The following ARHGAP23 variants were observed in gnomAD, a reference collection of about 807,000 sequenced individuals.
ARHGAP23 encodes the protein Rho GTPase activating protein 23.
A neutral mutation model predicts 136.3 loss-of-function variants in ARHGAP23; 34 were observed. The observed-to-expected ratio is 0.25, with a 90% CI of 0.19 to 0.33. ARHGAP23 has a LOEUF of 0.33. Among genes scored for constraint, ARHGAP23 ranks in the 10% least tolerant of loss-of-function variants. The probability of loss-of-function intolerance (pLI) is 1.00; values close to 1 mark genes in which losing one functional copy is unlikely to be tolerated. For missense variants in ARHGAP23, 1,808 were observed against 2,139.0 expected (o/e 0.85, Z 3.05); for synonymous variants, 832 against 920.5 (o/e 0.90, Z 1.74).
At chr17:38,465,227 T>A (rs1249580536) in intron 6 of ARHGAP23, among the ~76,000 whole-genome samples, 1 of 150,646 alleles carries the variant, frequency 6.6e-6, no homozygotes, top group East Asian at 1.9e-4. Context: ...GGGCTGAGTG[T>A]GCGGGGGTGT....
At position 38,477,365 on chromosome 17, in the gene ARHGAP23, G is replaced by C. The variant is rs533572713; in HGVS notation, c.2119-214G>C. Among the ~76,000 whole-genome samples, 2 of 152,156 alleles carry C rather than the reference G, an allele frequency of 1.3e-5. No homozygotes were observed. Among genetic ancestry groups the C allele is most frequent in the African/African-American group, 4.8e-5 (2 of 41,510 alleles). On this transcript the variant is annotated intron_variant, in intron 11 of 23. Transcript: ENST00000622683. The surrounding 1 kb of genome is among the most constrained non-coding windows in gnomAD (Gnocchi z 6.6). ...GGGGTCTGCTGGGGGGCTTTAGGAT[G>C]ATGGGTAGGGGTGTCTAGGCAGGCA...
In ARHGAP23 at chr17:38,510,699, C is replaced by A; in HGVS notation, c.4203C>A (p.Ser1401Arg). The A allele has an allele frequency of 7.0e-7, 1 of 1,429,872 alleles. No homozygotes were observed. 88.6% of individuals were successfully genotyped at this position (1,429,872 alleles called of 1,614,324 possible). ...PLSPETRRRR[S>R]SWRRHTVVVQ... ...CGCCCGAGACCCGGCGGCGCCGGAG[C>A]AGCTGGCGCCGCCACACCGTGGTGG... Residue 1401 changes from serine (S) to arginine (R), a missense_variant, in exon 24 of 24, where the codon AGC (serine) becomes AGA (arginine). Physicochemically the swap from Ser to Arg is moderately radical, Grantham distance 110 (BLOSUM62 -1). Transcript: ENST00000622683. This position sits in a 1 kb window ranked among gnomAD's most constrained non-coding sequence, Gnocchi z 4.6.
chr17:38,459,870 G>A (rs1415233292), intron 2 of ARHGAP23, among the ~76,000 whole-genome samples: 1 of 152,172 alleles, frequency 6.6e-6, no homozygotes, highest in Non-Finnish European at 1.5e-5. Flanking sequence ...ACAGGAGGAC[G>A]GGGGCAGAGT....
intron 11 of ARHGAP23, among the ~76,000 whole-genome samples, chr17:38,474,180 C>T (rs1269283892): frequency 6.6e-6 from 1 of 152,220 alleles, no homozygotes; most frequent in Non-Finnish European, 1.5e-5. Flanking sequence ...CTTGGCCTCC[C>T]AAAGTGCTTG....
chr17:38,452,593 C>G (rs55723538), intron 1 of ARHGAP23: 1 of 152,224 alleles, frequency 6.6e-6, no homozygotes, highest in Non-Finnish European at 1.5e-5. Flanking sequence ...CCATAACAAG[C>G]TGGGTCCTCT....
At chr17:38,432,352 C>T (rs1484228789) in intron 1 of ARHGAP23, among the ~76,000 whole-genome samples, 2 of 152,088 alleles carry the variant, frequency 1.3e-5, no homozygotes, top group Admixed American at 6.5e-5. Context: ...GCCTGGGTGA[C>T]ACAAGGAGAC....
At chr17:38,428,447 C>T (rs1015426766), upstream of ARHGAP23, 16 of 1,362,730 alleles carry the variant, frequency 1.2e-5, no homozygotes, top group Non-Finnish European at 1.5e-5. Context: ...GCCGGCGCCC[C>T]CAGCCGTGCC....
In ARHGAP23 at chr17:38,477,983, T is replaced by G. The variant is rs1285695442; in HGVS notation, c.2436+87T>G. ...GGACCTGGGATGCCCGCTCTGAGCC[T>G]CACTTCCCTCTGCTAGAAAGGGGGG... is the stretch of plus-strand genomic sequence containing the variant. On this transcript the variant is annotated intron_variant, in intron 12 of 23. Coordinates refer to ENST00000622683, the MANE Select transcript of ARHGAP23 (RefSeq NM_001199417.2). This position sits in a 1 kb window ranked among gnomAD's most constrained non-coding sequence, Gnocchi z 6.6. 7 of 1,350,160 alleles carry G rather than the reference T, an allele frequency of 5.2e-6. No individual in the cohort carries two copies. The Admixed American group carries it at 1.4e-4, about 28-fold the overall frequency. The allele number at this position is 1,350,160 out of a possible 1,614,324, so 83.6% of individuals were successfully genotyped here. A position where few individuals can be genotyped will look rare whatever the true frequency, so the allele number is the denominator to read the frequency against.
At chr17:38,469,960 T>C in intron 10 of ARHGAP23, 56 bp downstream of exon 10, 1 of 1,540,222 alleles carries the variant, frequency 6.5e-7, no homozygotes, top group Non-Finnish European at 8.8e-7. Flanking sequence ...GGAGAGAGGG[T>C]GTCAGGGAGG....
At chr17:38,460,870 A>G (rs1157037848) in intron 2 of ARHGAP23, 35 bp from the exon 3 acceptor site, 7 of 1,535,882 alleles carry the variant, frequency 4.6e-6, no homozygotes, top group Non-Finnish European at 6.1e-6. Flanking sequence ...TGAGGGCTGG[A>G]CTGACGCCCA....
Position 38,486,047 on chromosome 17 carries a change from T to G in ARHGAP23, c.2908-15T>G. 6.4e-7 allele frequency: 1 copy of G among 1,550,494 alleles called. No homozygotes were observed. Among genetic ancestry groups the G allele is most frequent in the Non-Finnish European group, 8.7e-7 (1 of 1,146,650 alleles). On this transcript the variant is annotated splice_polypyrimidine_tract_variant and intron_variant, in intron 16 of 23. Transcript: ENST00000622683. ...GCTGGGCCTGCCTGTGCCTGACATCTGACCCCTCCCCCAGCGCTGGCAAGA... is the reference window on the plus strand; with the variant it reads ...GCTGGGCCTGCCTGTGCCTGACATCGGACCCCTCCCCCAGCGCTGGCAAGA...
At chr17:38,472,799 C>G (rs1024860858) in intron 11 of ARHGAP23, among the ~76,000 whole-genome samples, 1 of 152,238 alleles carries the variant, frequency 6.6e-6, no homozygotes, top group African/African-American at 2.4e-5. Context: ...CTGGCCATGA[C>G]TCAGTGTCCT....
At position 38,490,159 on chromosome 17, in the gene ARHGAP23, G is replaced by A; in HGVS notation, c.3044G>A (p.Arg1015Lys). 2 of 1,551,696 alleles carry A rather than the reference G, an allele frequency of 1.3e-6. No homozygotes were observed. Among genetic ancestry groups the A allele is most frequent in the Non-Finnish European group, 1.7e-6 (2 of 1,146,850 alleles). Residue 1015 changes from arginine (R) to lysine (K), a missense_variant, in exon 18 of 24, where the codon AGG (arginine) becomes AAG (lysine). Transcript: ENST00000622683. The stretch of plus-strand genomic sequence containing the variant: ...ATTGAGGACGCGCGGGAGCGAATGA[G>A]GACGCTGCGGAAGCTGGTAAGGAGA... ...NRIEDARERMRTLRKLIRDLP... is the reference protein window; with the variant it reads ...NRIEDARERMKTLRKLIRDLP...
chr17:38,448,691 G>A (rs1375774264), intron 1 of ARHGAP23, among the ~76,000 whole-genome samples: 1 of 146,462 alleles, frequency 6.8e-6, no homozygotes, highest in Admixed American at 6.9e-5. Flanking sequence ...CGTCACCCAG[G>A]CTGGAGTGCA....
Position 38,471,914 on chromosome 17 carries a change from C to T in ARHGAP23, c.2026C>T (p.His676Tyr), listed in dbSNP as rs763904659. ...AGATGCTGACGCTCCTTCTAAGCGACACTCAACCTCTGACCTCTCAGATGC... is the reference window on the plus strand; with the variant it reads ...AGATGCTGACGCTCCTTCTAAGCGATACTCAACCTCTGACCTCTCAGATGC... ...SEDADAPSKRHSTSDLSDATF... is the reference protein window; with the variant it reads ...SEDADAPSKRYSTSDLSDATF... Residue 676 changes from histidine to tyrosine, a missense_variant, in exon 11 of 24, where the codon CAC becomes TAC. Physicochemically the swap from His to Tyr is moderately conservative, Grantham distance 83. Around this residue, in one of 7 missense-constraint regions of ARHGAP23, gnomAD observed 139 missense variants for 264.3 expected, o/e 0.53. Coordinates refer to ENST00000622683, the MANE Select transcript of ARHGAP23 (RefSeq NM_001199417.2). 3.5e-5 allele frequency: 55 copies of T among 1,549,360 alleles called. No homozygotes were observed. Among genetic ancestry groups the T allele is most frequent in the Middle Eastern group, 2.3e-4 (1 of 4,380 alleles).
At chr17:38,506,548 C>T (rs189537346) in intron 23 of ARHGAP23, among the ~76,000 whole-genome samples, 24 of 152,320 alleles carry the variant, frequency 1.6e-4, no homozygotes, top group Non-Finnish European at 2.4e-4. Context: ...GATCAAGGTG[C>T]CAGTGTGGCT....
chr17:38,419,596 A>G (rs2038499229), intron 1 of ARHGAP23, among the ~76,000 whole-genome samples: 1 of 151,914 alleles, frequency 6.6e-6, no homozygotes, highest in South Asian at 2.1e-4. Context: ...ACACACACAC[A>G]CACACACACA....
intron 1 of ARHGAP23, among the ~76,000 whole-genome samples, chr17:38,436,373 C>T (rs2038797247): frequency 6.8e-6 from 1 of 147,868 alleles, no homozygotes; most frequent in Non-Finnish European, 1.5e-5. Context: ...TGAGGATATT[C>T]CCCTCAGCTA....
chr17:38,457,012 C>T (rs923868273), intron 1 of ARHGAP23, among the ~76,000 whole-genome samples: 3 of 152,138 alleles, frequency 2.0e-5, no homozygotes, highest in Non-Finnish European at 4.4e-5. Context: ...TGGGTTCAAG[C>T]GATTCTCCTG....
Sources: allele counts gnomAD v4.1 joint callset (sites outside exome capture counted in the v4.1 genomes callset), GRCh38; gene constraint gnomAD v4.1.1; regional missense constraint gnomAD v4.1.1; non-coding constraint Gnocchi (gnomAD v3.1); transcripts MANE v1.5; gene names NCBI Gene and HGNC (gene_info 2026-07-23, HGNC 2026-07-21).